DNAH10: variants seen among roughly 807,000 people sequenced by gnomAD.
DNAH10 encodes the protein axonemal beta dynein heavy chain 10.
DNAH10 carries 348 observed loss-of-function variants against 506.6 expected under a neutral mutation model. That is an observed-to-expected ratio of 0.69 (90% CI 0.63 to 0.75). The LOEUF (loss-of-function observed/expected upper bound fraction) is 0.75, where lower values mean the gene tolerates loss of function less well. DNAH10 is among the 30% of genes least tolerant of loss of function. DNAH10 has a pLI of 0.00. For missense variants in DNAH10, 5,179 were observed against 5,787.1 expected, an observed-to-expected ratio of 0.89 and a Z score of 3.41; for synonymous variants, 2,059 against 2,198.6, an observed-to-expected ratio of 0.94 and a Z score of 1.78.
At chr12:123,865,784 C>T (rs996305319) in intron 40 of DNAH10, among the ~76,000 whole-genome samples, 167 bp from the exon 41 acceptor site, 6 of 152,172 alleles carry the variant, frequency 3.9e-5, no homozygotes, top group African/African-American at 1.2e-4. Context: ...GTAATCTTCT[C>T]ATCAAAATCC....
rs149282672 is a variant in DNAH10 at position 123,862,007 on chromosome 12, T to G, written c.6908+837T>G. Among the ~76,000 whole-genome samples, 164 of 152,342 alleles carry G rather than the reference T, an allele frequency of 1.1e-3. 1 individual carries two copies. The East Asian group carries it at 0.029, about 27-fold the overall frequency. On this transcript the variant is annotated intron_variant, in intron 39 of 78. Transcript: ENST00000673944. ...TCTGGAGGATTCCAGGCCAACCGTT[T>G]TAGAGAATGGTCTCGGTTTGGGTTT...
chr12:123,885,426 T>G (rs953409237), intron 51 of DNAH10, among the ~76,000 whole-genome samples: 1 of 152,222 alleles, frequency 6.6e-6, no homozygotes, highest in African/African-American at 2.4e-5. Context: ...TTACTAACAG[T>G]GCAGTGATGA....
intron 49 of DNAH10, 71 bp downstream of exon 49, chr12:123,879,428 T>C (rs2137046219): frequency 6.5e-7 from 1 of 1,529,482 alleles, no homozygotes. Flanking sequence ...AAGTGTTTTT[T>C]ATATTAGGAC....
At chr12:123,923,989 C>G (rs1026838783) in intron 66 of DNAH10, 122 bp downstream of exon 66, 10 of 785,718 alleles carry the variant, frequency 1.3e-5, no homozygotes, top group Admixed American at 3.0e-5. Flanking sequence ...TCCAACAGCA[C>G]TGCATTTTTC....
rs758024109 is a variant in DNAH10, at chr12:123,875,398, A to T, written c.8106A>T (p.Arg2702Ser). ...GAGGCCGCAATGAAGTTGACCCAAG[A>T]TTTATTTCGCTATTCAGTGTCTTCA... ...AGGGRNEVDP[R>S]FISLFSVFNV... The change falls in exon 47 of 79, where the codon AGA becomes AGT. Residue 2702 changes from arginine (R) to serine (S), a missense_variant. Physicochemically the swap from Arg to Ser is moderately radical, Grantham distance 110. Transcript: ENST00000673944. The T allele has an allele frequency of 6.2e-7, 1 of 1,614,006 alleles. No individual in the cohort carries two copies.
intron 30 of DNAH10, among the ~76,000 whole-genome samples, chr12:123,842,589 C>T (rs544762419): frequency 9.2e-5 from 14 of 152,258 alleles, no homozygotes; most frequent in Admixed American, 2.6e-4. Context: ...AAATTATTAG[C>T]GAATAGCATA....
intron 6 of DNAH10, 129 bp from the exon 7 acceptor site, chr12:123,782,978 A>G: frequency 1.4e-6 from 1 of 695,952 alleles, no homozygotes; most frequent in Non-Finnish European, 2.5e-6. Context: ...TATTATCAGG[A>G]CAGGGGATGC....
intron 67 of DNAH10, among the ~76,000 whole-genome samples, 182 bp downstream of exon 67, chr12:123,924,614 A>C (rs779265071): frequency 5.3e-5 from 8 of 152,016 alleles, no homozygotes; most frequent in Non-Finnish European, 2.9e-5. Context: ...GTTGTATGGG[A>C]GATCCAACCA....
intron 70 of DNAH10, chr12:123,929,034 T>C (rs906596150): frequency 1.7e-6 from 1 of 580,708 alleles, no homozygotes; most frequent in South Asian, 2.2e-5. Context: ...ATTTTATATA[T>C]AGTAAAGGAT....
rs376965408 is a variant in DNAH10 at position 123,799,019 on chromosome 12, C to T, written c.2164-227C>T. Among the ~76,000 whole-genome samples the T allele has an allele frequency of 3.8e-4, 57 of 148,054 alleles. No homozygotes were observed. The South Asian group carries it at 0.011, about 28-fold the overall frequency. On this transcript the variant is annotated intron_variant, in intron 13 of 78. Transcript: ENST00000673944. ...ACTTGGGAGGCTGAGGCAGGAGAAT[C>T]GCTTGAGCCCGGGAGGCGAAGGATG...
At chr12:123,854,067 G>T (rs1951292339) in intron 36 of DNAH10, among the ~76,000 whole-genome samples, 1 of 125,128 alleles carries the variant, frequency 8.0e-6, no homozygotes, top group African/African-American at 3.1e-5. Context: ...TCACACATTT[G>T]GGTTTTTTTT....
Position 123,931,981 on chromosome 12 carries a change from A to G in DNAH10, c.13169A>G (p.Asp4390Gly). ...GEVGMSNELDDVARSLFIGHI... is the reference protein window; with the variant it reads ...GEVGMSNELDGVARSLFIGHI... ...GTTGGAATGAGCAATGAGTTAGATG[A>G]TGTGGCCAGGTCTCTTTTTATCGGG... Residue 4390 changes from aspartate to glycine, a missense_variant, in exon 76 of 79, where the codon GAT (aspartate) becomes GGT (glycine). Transcript: ENST00000673944. The G allele has an allele frequency of 6.2e-7, 1 of 1,614,004 alleles. No homozygotes were observed.
intron 50 of DNAH10, among the ~76,000 whole-genome samples, chr12:123,880,256 A>G (rs896353085): frequency 6.6e-6 from 1 of 152,220 alleles, no homozygotes; most frequent in Non-Finnish European, 1.5e-5. Flanking sequence ...ATGTTCAGAA[A>G]AATCTCTCTT....
intron 47 of DNAH10, among the ~76,000 whole-genome samples, chr12:123,875,802 A>T (rs1001674182): frequency 2.6e-5 from 4 of 152,302 alleles, no homozygotes; most frequent in South Asian, 4.1e-4. Context: ...CGAAGAATCA[A>T]CTAGCAGGCT....
At chr12:123,843,570 C>T (rs888472776) in intron 30 of DNAH10, among the ~76,000 whole-genome samples, 6 of 151,670 alleles carry the variant, frequency 4.0e-5, no homozygotes, top group East Asian at 1.9e-4. Context: ...GCTTTTCCTA[C>T]TTATTTATTT....
chr12:123,914,378 G>T lies in DNAH10; in HGVS notation c.10402G>T (p.Gly3468Trp). 1 of 1,613,436 alleles carries T rather than the reference G, an allele frequency of 6.2e-7. No individual in the cohort carries two copies. The highest frequency in any genetic ancestry group is 8.5e-7 in the Non-Finnish European group (1 of 1,179,880). The change falls in exon 61 of 79, where the codon GGG (glycine) becomes TGG (tryptophan). Residue 3468 changes from glycine to tryptophan, a missense_variant. Physicochemically the swap from Gly to Trp is radical, Grantham distance 184. Coordinates refer to ENST00000673944, the MANE Select transcript of DNAH10 (RefSeq NM_001372106.1). ...GATGCACCGGCGCGTGAAGCTGCTGGGGGACTGCCTGCTCTGCGCGGCTTT... is the reference window on the plus strand; with the variant it reads ...GATGCACCGGCGCGTGAAGCTGCTGTGGGACTGCCTGCTCTGCGCGGCTTT... ...ELMHRRVKLL[G>W]DCLLCAAFLS...
chr12:123,899,563 C>A (rs1953423016), intron 56 of DNAH10, among the ~76,000 whole-genome samples: 1 of 152,206 alleles, frequency 6.6e-6, no homozygotes, highest in Non-Finnish European at 1.5e-5. Flanking sequence ...GGCAACAGCA[C>A]CTTAACTTGG....
chr12:123,785,669 G>C lies in DNAH10; in HGVS notation c.1231-77G>C. ...AAAAAAAAAAAGAGTGAAACTTCTT[G>C]CATGCTTACTGTTTTATGAAACTAT... On this transcript the variant is annotated intron_variant, in intron 8 of 78. Transcript: ENST00000673944. The surrounding 1 kb of genome is among the most constrained non-coding windows in gnomAD (Gnocchi z 4.1). The C allele has an allele frequency of 8.6e-7, 1 of 1,161,084 alleles. No homozygotes were observed. The highest frequency in any genetic ancestry group is 1.2e-6 in the Non-Finnish European group (1 of 858,970). 71.9% of individuals were successfully genotyped at this position (1,161,084 alleles called of 1,614,324 possible).
At position 123,902,905 on chromosome 12, in the gene DNAH10, C is replaced by T. The variant is rs1281992541; in HGVS notation, c.9641-34C>T. The stretch of plus-strand genomic sequence containing the variant: ...GGCCGCGAGTGCATCTCCTCTGAGC[C>T]CAAGCTTTACTCACCCCCTGTCCTA... On this transcript the variant is annotated intron_variant, in intron 56 of 78. Transcript: ENST00000673944. This position sits in a 1 kb window ranked among gnomAD's most constrained non-coding sequence, Gnocchi z 4.5. The T allele has an allele frequency of 6.4e-7, 1 of 1,552,922 alleles. No homozygotes were observed. Among genetic ancestry groups the T allele is most frequent in the Non-Finnish European group, 8.7e-7 (1 of 1,148,792 alleles).
Sources: gnomAD v4.1 joint callset for allele counts (sites outside exome capture counted in the v4.1 genomes callset) on GRCh38, gnomAD v4.1.1 for gene constraint, Gnocchi (gnomAD v3.1) non-coding constraint, MANE v1.5 for transcripts, NCBI Gene and HGNC (gene_info 2026-07-23, HGNC 2026-07-21) for gene names.